The following RBFOX1 variants were observed in gnomAD, a reference collection of about 807,000 sequenced individuals.
The protein encoded by RBFOX1 is RNA binding protein fox-1 homolog 1.
A neutral mutation model predicts 57.7 loss-of-function variants in RBFOX1; 8 were observed. That is an observed-to-expected ratio of 0.14 (90% confidence interval 0.08 to 0.25). The LOEUF is 0.25. Ranked by LOEUF, RBFOX1 falls within the 10% of genes least tolerant of loss-of-function variation. RBFOX1 has a pLI of 1.00. For missense variants in RBFOX1, 611 were observed against 548.5 expected (o/e 1.11, Z -1.14); for synonymous variants, 326 against 222.4 (o/e 1.47, Z -4.15).
chr16:7,313,473 G>T (rs5009030), intron 4 of RBFOX1, among the ~76,000 whole-genome samples: 69,957 of 132,132 alleles, frequency 0.53, 18,112 homozygotes, highest in East Asian at 0.85. Context: ...TTCTTTTCTT[G>T]TCTTTTTTTT....
chr16:6,787,395 C>G (rs556341733), intron 3 of RBFOX1, among the ~76,000 whole-genome samples: 73 of 152,262 alleles, frequency 4.8e-4, no homozygotes, highest in African/African-American at 1.7e-3. Flanking sequence ...TGATTAACAT[C>G]AGAAATAGCA....
At chr16:7,264,106 A>G (rs113433086) in intron 4 of RBFOX1, among the ~76,000 whole-genome samples, 4,414 of 152,220 alleles carry the variant, frequency 0.029, 101 homozygotes, top group Middle Eastern at 0.061. Flanking sequence ...GATCTTAAAC[A>G]AAATGACTAC....
Position 7,710,794 on chromosome 16 carries a change from C to A in RBFOX1, c.*49C>A, listed in dbSNP as rs376748559. ...CAATGTGGGGAGAAAGGAAGCTTTCCGAGGCCTGAGTATTGCAATACATGC... is the reference window on the plus strand; with the variant it reads ...CAATGTGGGGAGAAAGGAAGCTTTCAGAGGCCTGAGTATTGCAATACATGC... On this transcript the variant is annotated 3_prime_UTR_variant, in exon 16 of 16. Coordinates refer to ENST00000550418, the MANE Select transcript of RBFOX1 (RefSeq NM_018723.4). The A allele has an allele frequency of 1.4e-6, 2 of 1,453,338 alleles. No individual in the cohort carries two copies. Among genetic ancestry groups the A allele is most frequent in the South Asian group, 1.4e-5 (1 of 69,506 alleles). 90.0% of individuals were successfully genotyped at this position (1,453,338 alleles called of 1,614,324 possible). A position where few individuals can be genotyped will look rare whatever the true frequency, so the allele number is the denominator to read the frequency against.
chr16:6,805,030 C>A (rs571193617), intron 3 of RBFOX1, among the ~76,000 whole-genome samples: 1 of 152,270 alleles, frequency 6.6e-6, no homozygotes, highest in East Asian at 1.9e-4. Flanking sequence ...ACCTACCAGT[C>A]CCATTACTGG....
chr16:6,634,704 T>C (rs1474707154), intron 2 of RBFOX1, among the ~76,000 whole-genome samples: 1 of 144,160 alleles, frequency 6.9e-6, no homozygotes, highest in Non-Finnish European at 1.5e-5. Flanking sequence ...AAGATACATA[T>C]TTGTATTAAA....
At chr16:5,722,633 G>C (rs781276603) in intron 3 of RBFOX1, among the ~76,000 whole-genome samples, 59 of 152,194 alleles carry the variant, frequency 3.9e-4, no homozygotes, top group Non-Finnish European at 7.1e-4. Flanking sequence ...CATTAGGGTT[G>C]TGAGTCTGCA....
chr16:6,260,616 G>A (rs757466452), intron 1 of RBFOX1, among the ~76,000 whole-genome samples: 6 of 152,198 alleles, frequency 3.9e-5, no homozygotes, highest in Non-Finnish European at 7.3e-5. Flanking sequence ...GGTGGCTCAT[G>A]CCTGTAATCC....
At chr16:7,479,864 T>C (rs2063524154) in intron 4 of RBFOX1, among the ~76,000 whole-genome samples, 1 of 152,210 alleles carries the variant, frequency 6.6e-6, no homozygotes, top group Non-Finnish European at 1.5e-5. Context: ...GTTTTAATAA[T>C]AGACATTTTC....
Position 6,867,214 on chromosome 16 carries a change from C to G in RBFOX1, c.-15-184843C>G, listed in dbSNP as rs536029361. 3.9e-5 allele frequency among the ~76,000 whole-genome samples: 6 copies of G among 151,990 alleles called. No individual in the cohort carries two copies. In the South Asian group the frequency reaches 1.2e-3, roughly 32 times the overall value. On this transcript the variant is annotated intron_variant, in intron 3 of 15. Transcript: ENST00000550418. ...AAGAAAAGCATGAAGCTATATAAGT[C>G]TTTCTGTAGGGGAAAAAAAAATACT...
At chr16:5,577,816 G>C (rs2046519841) in intron 2 of RBFOX1, among the ~76,000 whole-genome samples, 1 of 152,190 alleles carries the variant, frequency 6.6e-6, no homozygotes, top group South Asian at 2.1e-4. Flanking sequence ...GGAAGACATG[G>C]TTCTTCTTTA....
intron 3 of RBFOX1, among the ~76,000 whole-genome samples, chr16:5,743,675 C>T (rs577397571): frequency 6.6e-6 from 1 of 152,146 alleles, no homozygotes; most frequent in African/African-American, 2.4e-5. Context: ...TTGTTTATTA[C>T]GCTAAGATCA....
At chr16:6,967,159 AT>A (rs1275390484) in intron 3 of RBFOX1, among the ~76,000 whole-genome samples, 1 of 151,642 alleles carries the variant, frequency 6.6e-6, no homozygotes, top group Non-Finnish European at 1.5e-5. Flanking sequence ...TCATCTATCC[AT>A]GTGTTTGTAC....
intron 11 of RBFOX1, among the ~76,000 whole-genome samples, chr16:7,638,053 TTG>T: frequency 6.6e-6 from 1 of 152,194 alleles, no homozygotes; most frequent in East Asian, 1.9e-4. Flanking sequence ...TGTTAAAAGA[TTG>T]CATTAAAACA....
chr16:6,810,283 T>A (rs767189981), intron 3 of RBFOX1, among the ~76,000 whole-genome samples: 12 of 152,158 alleles, frequency 7.9e-5, no homozygotes, highest in Non-Finnish European at 1.5e-4. Context: ...CAAATTGGTC[T>A]GTCACTGAAA....
chr16:6,437,363 C>G (rs2094264399), intron 2 of RBFOX1, among the ~76,000 whole-genome samples: 1 of 152,172 alleles, frequency 6.6e-6, no homozygotes, highest in South Asian at 2.1e-4. Flanking sequence ...TTCTGTTTAA[C>G]TCCTTTTGTT....
intron 1 of RBFOX1, among the ~76,000 whole-genome samples, chr16:5,282,562 C>G (rs1360582249): frequency 2.0e-5 from 3 of 152,110 alleles, no homozygotes; most frequent in Non-Finnish European, 2.9e-5. Context: ...AAATAAGGAA[C>G]TTATCAGGAA....
intron 4 of RBFOX1, among the ~76,000 whole-genome samples, chr16:7,281,178 T>C (rs1473040570): frequency 6.6e-6 from 1 of 151,854 alleles, no homozygotes; most frequent in Admixed American, 6.6e-5. Flanking sequence ...AATTTTTATA[T>C]TTTTAGTAGA....
At chr16:6,524,728 C>T (rs1013846556) in intron 2 of RBFOX1, among the ~76,000 whole-genome samples, 1 of 152,106 alleles carries the variant, frequency 6.6e-6, no homozygotes, top group East Asian at 1.9e-4. Flanking sequence ...AGAAGGAAAC[C>T]TACCTGGCTT....
intron 3 of RBFOX1, among the ~76,000 whole-genome samples, chr16:6,942,736 C>A (rs959011923): frequency 6.6e-6 from 1 of 152,150 alleles, no homozygotes. Context: ...TAGAGACTCT[C>A]TTGAGAGACA....
Sources: allele counts gnomAD v4.1 joint callset (sites outside exome capture counted in the v4.1 genomes callset), GRCh38; gene constraint gnomAD v4.1.1; transcripts MANE v1.5; gene names NCBI Gene and HGNC (gene_info 2026-07-23, HGNC 2026-07-21).